HIGD1A: variants seen among roughly 807,000 people sequenced by gnomAD.
The protein encoded by HIGD1A is HIG1 domain family member 1A, mitochondrial.
A neutral mutation model predicts 11.3 loss-of-function variants in HIGD1A; 8 were observed. The ratio of observed to expected loss-of-function variants is 0.71; its 90% CI spans 0.42 to 1.28. The LOEUF is 1.28. Ranked by LOEUF, HIGD1A falls within the 50% of genes most tolerant of loss-of-function variation. The pLI, the probability that HIGD1A is intolerant of heterozygous loss-of-function variation, is 0.01. For synonymous variants in HIGD1A, 32 were observed against 38.4 expected, an observed-to-expected ratio of 0.83 and a Z score of 0.62; for missense variants, 107 against 118.8, an observed-to-expected ratio of 0.90 and a Z score of 0.46.
chr3:42,795,291 T>C (rs912403507), intron 1 of HIGD1A, among the ~76,000 whole-genome samples: 1 of 151,796 alleles, frequency 6.6e-6, no homozygotes, highest in Non-Finnish European at 1.5e-5. Context: ...TAGTCTTGGT[T>C]CACTGCAACC....
chr3:42,788,981 T>C (rs1285554218), intron 2 of HIGD1A, among the ~76,000 whole-genome samples: 3 of 151,862 alleles, frequency 2.0e-5, no homozygotes, highest in African/African-American at 7.2e-5. Context: ...GCTTATCAAC[T>C]TTAAAATGTA....
At chr3:42,789,088 T>A (rs1700388173) in intron 2 of HIGD1A, among the ~76,000 whole-genome samples, 1 of 136,132 alleles carries the variant, frequency 7.3e-6, no homozygotes. Flanking sequence ...TCACCCAGGC[T>A]GGAGTGCAGT....
At chr3:42,788,804 G>C (rs1024021570) in intron 2 of HIGD1A, among the ~76,000 whole-genome samples, 1 of 151,782 alleles carries the variant, frequency 6.6e-6, no homozygotes, top group African/African-American at 2.4e-5. Flanking sequence ...CTTGAACCCA[G>C]GAGGCAGAGG....
At chr3:42,802,387 T>C (rs1700576746) in intron 1 of HIGD1A, among the ~76,000 whole-genome samples, 1 of 152,150 alleles carries the variant, frequency 6.6e-6, no homozygotes, top group East Asian at 1.9e-4. Context: ...CAGATGATAA[T>C]CTGTCTGTGA....
At chr3:42,802,583 A>G (rs1328859139) in intron 1 of HIGD1A, among the ~76,000 whole-genome samples, 3 of 152,374 alleles carry the variant, frequency 2.0e-5, no homozygotes, top group South Asian at 4.1e-4. Flanking sequence ...AGAAGTTTCC[A>G]AAGTATTCAT....
At position 42,804,218 on chromosome 3, in the gene HIGD1A, C is replaced by G. The variant is rs771157165; in HGVS notation, c.-23+218G>C. 3.7e-6 allele frequency: 6 copies of G among 1,609,054 alleles called. No homozygotes were observed. The African/African-American group carries it at 6.7e-5, about 18-fold the overall frequency. On this transcript the variant is annotated intron_variant, in intron 1 of 3. Transcript: ENST00000321331. ...TCCTCGCTGGCTCCGTCTCCCCTCACCCGAAGGACCCTAGGCCTCGGCTCC... is the reference window on the plus strand; with the variant it reads ...TCCTCGCTGGCTCCGTCTCCCCTCAGCCGAAGGACCCTAGGCCTCGGCTCC...
intron 1 of HIGD1A, among the ~76,000 whole-genome samples, chr3:42,799,613 TG>T (rs902110320): frequency 2.0e-5 from 2 of 101,236 alleles, no homozygotes; most frequent in African/African-American, 6.3e-5. Flanking sequence ...CCACCATGCC[TG>T]GTTTTTTTTT....
rs1317882958 is a variant in HIGD1A at position 42,804,404 on chromosome 3, T to G, written c.-23+32A>C. 4 of 518,440 alleles carry G rather than the reference T, an allele frequency of 7.7e-6. No homozygotes were observed. The Admixed American group carries it at 1.5e-4, about 19-fold the overall frequency. 32.1% of individuals were successfully genotyped at this position (518,440 alleles called of 1,614,324 possible). ...CTTCCCGCCCCGCGGCCCGAGTCCCTGGCTCGCAGTCCCCCGGCTTGTTTC... is the reference window on the plus strand; with the variant it reads ...CTTCCCGCCCCGCGGCCCGAGTCCCGGGCTCGCAGTCCCCCGGCTTGTTTC... On this transcript the variant is annotated intron_variant, in intron 1 of 3. Transcript: ENST00000321331.
chr3:42,802,963 T>TA (rs1273823138), intron 1 of HIGD1A, among the ~76,000 whole-genome samples: 1 of 152,190 alleles, frequency 6.6e-6, no homozygotes, highest in African/African-American at 2.4e-5. Context: ...ATGATATATA[T>TA]AAAAAAATCA....
chr3:42,804,362 C>T (rs1700608932), intron 1 of HIGD1A, 74 bp downstream of exon 1: 2 of 595,552 alleles, frequency 3.4e-6, no homozygotes, highest in Non-Finnish European at 5.7e-6. Context: ...TCGGCCTGGC[C>T]AAGCGCTGCC....
In HIGD1A at chr3:42,794,247, T is replaced by A. The variant is rs751136789; in HGVS notation, c.7A>T (p.Thr3Ser). 3 of 1,598,066 alleles carry A rather than the reference T, an allele frequency of 1.9e-6. No homozygotes were observed. In the Admixed American group the frequency reaches 5.4e-5, roughly 29 times the overall value. ...GAAGGAAGGGAAACACCTGTGTCTG[T>A]TGACATAGTGATTGCTTGAAGAATC... MS[T>S]DTGVSLPSYE... is the part of the protein sequence containing the mutation. The change falls in exon 2 of 4, where the codon ACA becomes TCA. Residue 3 changes from threonine (T) to serine (S), a missense_variant. Physicochemically the swap from Thr to Ser is moderately conservative, Grantham distance 58. Transcript: ENST00000321331.
chr3:42,794,142 G>A lies in HIGD1A; in HGVS notation c.97+15C>T. 1 of 1,597,248 alleles carries A rather than the reference G, an allele frequency of 6.3e-7. No individual in the cohort carries two copies. The highest frequency in any genetic ancestry group is 8.5e-7 in the Non-Finnish European group (1 of 1,175,102). The stretch of plus-strand genomic sequence containing the variant: ...CTACCATATTCAAGACTACTAAAAT[G>A]TCAGTCAAACTTACCAACGGGTACG... On this transcript the variant is annotated intron_variant, in intron 2 of 3. Coordinates refer to ENST00000321331, the MANE Select transcript of HIGD1A (RefSeq NM_014056.4).
chr3:42,792,321 G>A (rs1369710264), intron 2 of HIGD1A, among the ~76,000 whole-genome samples: 3 of 152,148 alleles, frequency 2.0e-5, no homozygotes, highest in African/African-American at 7.2e-5. Context: ...CTACCAAGAG[G>A]ATTATAATAA....
chr3:42,804,232 G>A (rs1700607002), intron 1 of HIGD1A: 2 of 1,606,610 alleles, frequency 1.2e-6, no homozygotes, highest in Non-Finnish European at 1.7e-6. Context: ...AAGGACCCTA[G>A]GCCTCGGCTC....
At chr3:42,790,355 A>C (rs1445805093) in intron 2 of HIGD1A, among the ~76,000 whole-genome samples, 1 of 152,186 alleles carries the variant, frequency 6.6e-6, no homozygotes, top group African/African-American at 2.4e-5. Flanking sequence ...CAACATGGCA[A>C]AACCCTGTCT....
intron 1 of HIGD1A, among the ~76,000 whole-genome samples, chr3:42,800,010 T>C (rs1341472669): frequency 6.6e-6 from 1 of 152,194 alleles, no homozygotes; most frequent in African/African-American, 2.4e-5. Context: ...CCAGTATGTT[T>C]ACTAGTTGCC....
chr3:42,786,091 A>C lies in HIGD1A; in HGVS notation c.169T>G (p.Ser57Ala). 1 of 1,613,772 alleles carries C rather than the reference A, an allele frequency of 6.2e-7. No homozygotes were observed. The highest frequency in any genetic ancestry group is 1.7e-4 in the Middle Eastern group (1 of 5,818). The change falls in exon 3 of 4, where the codon TCC becomes GCC. Residue 57 changes from serine (S) to alanine (A), a missense_variant. Transcript: ENST00000321331. ...KLKSRGNTKM[S>A]IHLIHMRVAA... ...ACACGCATGTGGATCAGATGAATGG[A>C]CATTTTAGTATTTCCCCTGCTCTTC... is the stretch of plus-strand genomic sequence containing the variant.
chr3:42,792,021 C>T (rs1280563511), intron 2 of HIGD1A, among the ~76,000 whole-genome samples: 1 of 151,860 alleles, frequency 6.6e-6, no homozygotes, highest in Non-Finnish European at 1.5e-5. Flanking sequence ...ATGAACAAGG[C>T]TAAAGAAAAA....
Position 42,784,256 on chromosome 3 carries a change from T to C in HIGD1A, c.*1015A>G, listed in dbSNP as rs1700320544. ...TCCTGAAACTTGTTCTCAAATTTGT[T>C]CCTCTACAGAAAGCTTTTCCTCATG... On this transcript the variant is annotated 3_prime_UTR_variant, in exon 4 of 4. Transcript: ENST00000321331. 1 of 152,212 alleles carries C rather than the reference T, an allele frequency of 6.6e-6. No individual in the cohort carries two copies. Among genetic ancestry groups the C allele is most frequent in the Non-Finnish European group, 1.5e-5 (1 of 68,036 alleles). 9.4% of individuals were successfully genotyped at this position (152,212 alleles called of 1,614,324 possible). A position where few individuals can be genotyped will look rare whatever the true frequency, so the allele number is the denominator to read the frequency against.
Sources: allele counts gnomAD v4.1 joint callset (sites outside exome capture counted in the v4.1 genomes callset), GRCh38; gene constraint gnomAD v4.1.1; transcripts MANE v1.5; gene names NCBI Gene and HGNC (gene_info 2026-07-23, HGNC 2026-07-21).